CELSR1: variants seen among roughly 807,000 people sequenced by gnomAD.
CELSR1 encodes cadherin EGF LAG seven-pass G-type receptor 1.
A neutral mutation model predicts 249.1 loss-of-function variants in CELSR1; 110 were observed. That is an observed-to-expected ratio of 0.44 (90% confidence interval 0.38 to 0.52). CELSR1 has a LOEUF of 0.52. CELSR1 is among the 20% of genes least tolerant of loss of function. The pLI is 0.00. For synonymous variants in CELSR1, 2,113 were observed against 1,900.0 expected (o/e 1.11, Z -2.92); for missense variants, 4,109 against 4,296.4 (o/e 0.96, Z 1.22).
At chr22:46,481,678 C>G (rs960359665) in intron 1 of CELSR1, 8 of 603,700 alleles carry the variant, frequency 1.3e-5, no homozygotes, top group African/African-American at 1.3e-4. Context: ...GATGTTCTCT[C>G]TCTCCAGACT....
chr22:46,408,872 G>C lies in CELSR1; in HGVS notation c.5226+124C>G. 1.4e-6 allele frequency: 1 copy of C among 737,950 alleles called. No homozygotes were observed. Among genetic ancestry groups the C allele is most frequent in the Middle Eastern group, 3.9e-4 (1 of 2,570 alleles). 45.7% of individuals were successfully genotyped at this position (737,950 alleles called of 1,614,324 possible). A position where few individuals can be genotyped will look rare whatever the true frequency, so the allele number is the denominator to read the frequency against. ...CCTTCCCCCTCTTCGGAGAACCCCA[G>C]GGGCGGGCGCCGGAGGAAGGGCGAG... On this transcript the variant is annotated intron_variant, in intron 9 of 34. Coordinates refer to ENST00000674500, the MANE Select transcript of CELSR1 (RefSeq NM_001378328.1). The surrounding 1 kb of genome is among the most constrained non-coding windows in gnomAD (Gnocchi z 4.6).
intron 18 of CELSR1, among the ~76,000 whole-genome samples, chr22:46,388,226 G>C (rs1361838661): frequency 6.6e-6 from 1 of 152,114 alleles, no homozygotes; most frequent in Non-Finnish European, 1.5e-5. Flanking sequence ...GCGGGCGCCT[G>C]TAATCCCAGC....
In CELSR1 at chr22:46,448,616, G is replaced by A. The variant is rs1365370231; in HGVS notation, c.4184-9205C>T. 4.8e-6 allele frequency: 2 copies of A among 417,016 alleles called. No individual in the cohort carries two copies. The highest frequency in any genetic ancestry group is 9.5e-6 in the Non-Finnish European group (2 of 211,624). The allele number at this position is 417,016 out of a possible 1,614,324, so 25.8% of individuals were successfully genotyped here. ...ACTAGAATTTCCAAAGGCCACAATG[G>A]TAAAACTCAAGCACTTGATGAAGGC... On this transcript the variant is annotated intron_variant, in intron 2 of 34. Coordinates refer to ENST00000674500, the MANE Select transcript of CELSR1 (RefSeq NM_001378328.1). The surrounding 1 kb of genome is among the most constrained non-coding windows in gnomAD (Gnocchi z 5.7).
At chr22:46,514,424 A>G (rs2080605589) in intron 1 of CELSR1, among the ~76,000 whole-genome samples, 2 of 152,108 alleles carry the variant, frequency 1.3e-5, no homozygotes, top group African/African-American at 4.8e-5. Context: ...TGAGGGCTGG[A>G]GTCAGGTCCA....
chr22:46,462,098 C>T (rs1039520270), intron 2 of CELSR1, among the ~76,000 whole-genome samples: 3 of 152,240 alleles, frequency 2.0e-5, no homozygotes, highest in South Asian at 2.1e-4. Flanking sequence ...GGGGGTCTCC[C>T]GCCGCCTCTG....
chr22:46,429,748 G>A lies in CELSR1; in HGVS notation c.4611+3645C>T, dbSNP rs761250017. ...GTGTCAGGAGGGTCCCTGGTTAGCT[G>A]TGCCCCTCCTGGGTGGTCCGCAGCC... On this transcript the variant is annotated intron_variant, in intron 5 of 34. Coordinates refer to ENST00000674500, the MANE Select transcript of CELSR1 (RefSeq NM_001378328.1). The surrounding 1 kb of genome is among the most constrained non-coding windows in gnomAD (Gnocchi z 4.1). Among the ~76,000 whole-genome samples, 9 of 152,198 alleles carry A rather than the reference G, an allele frequency of 5.9e-5. No homozygotes were observed. Among genetic ancestry groups the A allele is most frequent in the Non-Finnish European group, 2.9e-5 (2 of 68,024 alleles).
intron 4 of CELSR1, among the ~76,000 whole-genome samples, chr22:46,435,281 T>G (rs1372815635): frequency 8.9e-6 from 1 of 111,778 alleles, no homozygotes; most frequent in African/African-American, 4.7e-5. Context: ...AAAAAAAAAT[T>G]TTTTTTTTTT....
chr22:46,435,613 C>T (rs903133697), intron 4 of CELSR1, among the ~76,000 whole-genome samples: 12 of 152,070 alleles, frequency 7.9e-5, no homozygotes, highest in African/African-American at 2.9e-4. Context: ...AGAGATGTAC[C>T]ACAATTTAAT....
At position 46,382,024 on chromosome 22, in the gene CELSR1, G is replaced by C; in HGVS notation, c.6910C>G (p.Arg2304Gly). Residue 2304 changes from arginine (R) to glycine (G), a missense_variant, in exon 21 of 35, where the codon CGG (arginine) becomes GGG (glycine). Arg to Gly is a moderately radical substitution (Grantham distance 125, BLOSUM62 -2). This residue lies in a region of CELSR1 where 1,805 missense variants were observed against 1,831.6 expected (regional missense o/e 0.99). Transcript: ENST00000674500. ...CGCGTGGTCTGCGGGGTGGTCCTCCGGCCAGCCGGCCTCAGCAGGGGGCCT... is the reference window on the plus strand; with the variant it reads ...CGCGTGGTCTGCGGGGTGGTCCTCCCGCCAGCCGGCCTCAGCAGGGGGCCT... Reference protein sequence around the residue: ...KEGPLLRPAGRRTTPQTTRPG... With the variant: ...KEGPLLRPAGGRTTPQTTRPG... The C allele has an allele frequency of 1.9e-6, 3 of 1,549,850 alleles. No individual in the cohort carries two copies. Among genetic ancestry groups the C allele is most frequent in the Non-Finnish European group, 1.7e-6 (2 of 1,147,764 alleles).
chr22:46,534,323 T>C lies in CELSR1; in HGVS notation c.2848A>G (p.Ile950Val). ...CGGTCCAGCCGGCGCTGGGTGCGAA[T>C]CACACCGGACGTGGGCTCGATGTAG... ...DFYIEPTSGV[I>V]RTQRRLDREN... is the part of the protein sequence containing the mutation. Residue 950 changes from isoleucine (I) to valine (V), a missense_variant, in exon 1 of 35, where the codon ATT becomes GTT. By Grantham distance (29) the Ile-to-Val change is conservative. Around this residue, in one of 7 missense-constraint regions of CELSR1, gnomAD observed 886 missense variants for 896.5 expected, o/e 0.99. Coordinates refer to ENST00000674500, the MANE Select transcript of CELSR1 (RefSeq NM_001378328.1). This position sits in a 1 kb window ranked among gnomAD's most constrained non-coding sequence, Gnocchi z 9.7. 6.2e-7 allele frequency: 1 copy of C among 1,613,088 alleles called. No individual in the cohort carries two copies. Among genetic ancestry groups the C allele is most frequent in the African/African-American group, 1.3e-5 (1 of 75,054 alleles).
At chr22:46,418,622 G>A (rs1041822677) in intron 5 of CELSR1, among the ~76,000 whole-genome samples, 1 of 152,224 alleles carries the variant, frequency 6.6e-6, no homozygotes, top group Non-Finnish European at 1.5e-5. Flanking sequence ...CTCTTCTCCA[G>A]GAGCTAAGAC....
At chr22:46,509,183 A>G (rs1272007201) in intron 1 of CELSR1, among the ~76,000 whole-genome samples, 5 of 152,134 alleles carry the variant, frequency 3.3e-5, no homozygotes, top group African/African-American at 4.8e-5. Flanking sequence ...AGTCCTAGAG[A>G]GTCCCCAAGA....
intron 9 of CELSR1, among the ~76,000 whole-genome samples, chr22:46,400,546 AGAATCGCTT>A (rs1336618075): frequency 2.0e-5 from 3 of 152,200 alleles, no homozygotes; most frequent in African/African-American, 7.2e-5. Flanking sequence ...CTAAGGCAGC[AGAATCGCTT>A]GAACCTGGGA....
intron 27 of CELSR1, among the ~76,000 whole-genome samples, chr22:46,368,402 A>G (rs9615964): frequency 0.24 from 35,642 of 149,898 alleles, 6,550 homozygotes; most frequent in African/African-American, 0.52. Context: ...AAGGCCCCAG[A>G]CCCCCCGTGC....
rs933997953 is a variant in CELSR1 at position 46,413,150 on chromosome 22, A to G, written c.4612-1391T>C. ...TTGTAAAAACGTAGAATTTAATTAA[A>G]TCATCCTCAGTGCCTTTTAATAGGA... On this transcript the variant is annotated intron_variant, in intron 5 of 34. Coordinates refer to ENST00000674500, the MANE Select transcript of CELSR1 (RefSeq NM_001378328.1). This position sits in a 1 kb window ranked among gnomAD's most constrained non-coding sequence, Gnocchi z 4.7. Among the ~76,000 whole-genome samples, 2 of 152,270 alleles carry G rather than the reference A, an allele frequency of 1.3e-5. No individual in the cohort carries two copies. Among genetic ancestry groups the G allele is most frequent in the African/African-American group, 2.4e-5 (1 of 41,472 alleles).
At chr22:46,394,093 T>C (rs1569131036) in intron 14 of CELSR1, 49 bp downstream of exon 14, 1 of 1,593,400 alleles carries the variant, frequency 6.3e-7, no homozygotes, top group Non-Finnish European at 8.6e-7. Context: ...CAGCTGTGCA[T>C]GTGTGTGAGC....
Position 46,399,626 on chromosome 22 carries a change from T to C in CELSR1, c.5412+91A>G, listed in dbSNP as rs7290972. 0.19 allele frequency: 249,813 copies of C among 1,334,016 alleles called. 33,981 individuals carry two copies. Among genetic ancestry groups the C allele is most frequent in the African/African-American group, 0.68 (47,531 of 69,440 alleles). 82.6% of individuals were successfully genotyped at this position (1,334,016 alleles called of 1,614,324 possible). The stretch of plus-strand genomic sequence containing the variant: ...TGCCTCCCCAAATCCACAAGGTCTC[T>C]GGTGGGTCCTGGCACGTCAAGGGGT... On this transcript the variant is annotated intron_variant, in intron 10 of 34. Transcript: ENST00000674500. The surrounding 1 kb of genome is among the most constrained non-coding windows in gnomAD (Gnocchi z 5.0).
intron 1 of CELSR1, among the ~76,000 whole-genome samples, chr22:46,492,007 C>T (rs533939764): frequency 1.3e-5 from 2 of 152,330 alleles, no homozygotes; most frequent in South Asian, 2.1e-4. Context: ...GTTTCACCAG[C>T]ACCTCGCAAG....
Position 46,396,725 on chromosome 22 carries a change from A to C in CELSR1, c.5723T>G (p.Val1908Gly), listed in dbSNP as rs1255256017. 6.2e-7 allele frequency: 1 copy of C among 1,612,934 alleles called. No homozygotes were observed. Among genetic ancestry groups the C allele is most frequent in the South Asian group, 1.1e-5 (1 of 90,802 alleles). ...CDKGYLGINC[V>G]DACHLNPCEN... is the part of the protein sequence containing the mutation. ...GCAGGGGTTCAGGTGACAGGCATCC[A>C]CACAGTTTATTCCAAGGTACCCTGC... Residue 1908 changes from valine to glycine, a missense_variant, in exon 13 of 35, where the codon GTG becomes GGG. Physicochemically the swap from Val to Gly is moderately radical, Grantham distance 109. Coordinates refer to ENST00000674500, the MANE Select transcript of CELSR1 (RefSeq NM_001378328.1). The surrounding 1 kb of genome is among the most constrained non-coding windows in gnomAD (Gnocchi z 6.4).
Sources: allele counts gnomAD v4.1 joint callset (sites outside exome capture counted in the v4.1 genomes callset), GRCh38; gene constraint gnomAD v4.1.1; regional missense constraint gnomAD v4.1.1; non-coding constraint Gnocchi (gnomAD v3.1); transcripts MANE v1.5; gene names NCBI Gene and HGNC (gene_info 2026-07-23, HGNC 2026-07-21).